The following CNEP1R1 variants were observed in gnomAD, a reference collection of about 807,000 sequenced individuals.
CNEP1R1 encodes the protein CTD nuclear envelope phosphatase 1 regulatory subunit 1, also known as nuclear envelope phosphatase-regulatory subunit 1.
A neutral mutation model predicts 22.7 loss-of-function variants in CNEP1R1; 10 were observed. That is an observed-to-expected ratio of 0.44 (90% confidence interval 0.27 to 0.75). CNEP1R1 has a LOEUF of 0.75. CNEP1R1 is among the 30% of genes least tolerant of loss of function. The pLI, the probability that CNEP1R1 is intolerant of heterozygous loss-of-function variation, is 0.17. For missense variants in CNEP1R1, 73 were observed against 151.5 expected (o/e 0.48, Z 2.72); for synonymous variants, 53 against 50.1 (o/e 1.06, Z -0.25).
At chr16:50,025,620 C>T (rs1251379599) in intron 1 of CNEP1R1, 1 of 1,600,350 alleles carries the variant, frequency 6.2e-7, no homozygotes, top group Non-Finnish European at 8.6e-7. Context: ...TGCATTGCAG[C>T]CTGCTAATTC....
chr16:50,030,101 A>T (rs2036218910), intron 3 of CNEP1R1, among the ~76,000 whole-genome samples: 1 of 151,992 alleles, frequency 6.6e-6, no homozygotes, highest in Non-Finnish European at 1.5e-5. Context: ...TTTTTACTTC[A>T]GTGTGAGTAT....
chr16:50,027,399 T>A (rs971866189), intron 2 of CNEP1R1, among the ~76,000 whole-genome samples: 3 of 151,558 alleles, frequency 2.0e-5, no homozygotes, highest in Non-Finnish European at 4.4e-5. Context: ...TCCCAGCTAC[T>A]CTGGAGGCTG....
intron 5 of CNEP1R1, chr16:50,034,589 C>G (rs1171545093): frequency 6.0e-6 from 1 of 167,914 alleles, no homozygotes; most frequent in Admixed American, 6.2e-5. Context: ...ACATATGAAC[C>G]TATTGTGTTT....
chr16:50,029,249 TC>T (rs1301464304), intron 2 of CNEP1R1, among the ~76,000 whole-genome samples: 1 of 152,206 alleles, frequency 6.6e-6, no homozygotes, highest in African/African-American at 2.4e-5. Context: ...GCTCCATACT[TC>T]CTGCACTGAC....
intron 2 of CNEP1R1, among the ~76,000 whole-genome samples, chr16:50,028,714 C>A (rs549484040): frequency 6.6e-6 from 1 of 152,164 alleles, no homozygotes; most frequent in South Asian, 2.1e-4. Flanking sequence ...GAGGTCCTTT[C>A]TAGTGTATTG....
At chr16:50,034,715 A>G (rs2036260891) in intron 5 of CNEP1R1, 1 of 155,212 alleles carries the variant, frequency 6.4e-6, no homozygotes, top group Non-Finnish European at 1.4e-5. Flanking sequence ...AGCCTGGGCA[A>G]CATTAGCAAG....
intron 4 of CNEP1R1, 70 bp downstream of exon 4, chr16:50,033,576 T>TA (rs1280388279): frequency 9.4e-6 from 8 of 853,670 alleles, no homozygotes; most frequent in Non-Finnish European, 1.1e-5. Flanking sequence ...GTTAAAAGCT[T>TA]ACTCTTGCCG....
Position 50,035,363 on chromosome 16 carries a change from G to A in CNEP1R1, c.337-54G>A. 4 of 965,618 alleles carry A rather than the reference G, an allele frequency of 4.1e-6. No homozygotes were observed. The South Asian group carries it at 5.6e-5, about 13-fold the overall frequency. 59.8% of individuals were successfully genotyped at this position (965,618 alleles called of 1,614,324 possible). A position where few individuals can be genotyped will look rare whatever the true frequency, so the allele number is the denominator to read the frequency against. On this transcript the variant is annotated intron_variant, in intron 5 of 5. Coordinates refer to ENST00000427478, the MANE Select transcript of CNEP1R1 (RefSeq NM_001281789.2). ...CCTTTAAGGTTTATAAATAAGCAGT[G>A]GTATTTTTACTAGAACTGTGTATTG...
chr16:50,033,250 A>G, intron 3 of CNEP1R1, 147 bp from the exon 4 acceptor site: 1 of 416,010 alleles, frequency 2.4e-6, no homozygotes, highest in Non-Finnish European at 4.2e-6. Flanking sequence ...ACGCAGCAAT[A>G]CAGAGAACTA....
chr16:50,029,665 T>C (rs1243737430), intron 2 of CNEP1R1, 60 bp from the exon 3 acceptor site: 1 of 973,132 alleles, frequency 1.0e-6, no homozygotes, highest in Non-Finnish European at 1.6e-6. Flanking sequence ...GAACTGGTGG[T>C]GATAGTATCA....
chr16:50,029,789 G>T lies in CNEP1R1; in HGVS notation c.162G>T (p.Glu54Asp). 6.3e-7 allele frequency: 1 copy of T among 1,594,992 alleles called. No homozygotes were observed. The highest frequency in any genetic ancestry group is 1.1e-5 in the South Asian group (1 of 90,436). Residue 54 changes from glutamate to aspartate, a missense_variant, in exon 3 of 6, where the codon GAG (glutamate) becomes GAT (aspartate). By Grantham distance (45) the Glu-to-Asp change is conservative. Coordinates refer to ENST00000427478, the MANE Select transcript of CNEP1R1 (RefSeq NM_001281789.2). ...TGAWNWLIDPETQKVSFFTSL... is the reference protein window; with the variant it reads ...TGAWNWLIDPDTQKVSFFTSL... ...CCTGGAACTGGTTAATAGACCCTGA[G>T]ACACAAAAGGTAGAAGTTTTGTTTT...
At chr16:50,029,580 C>A (rs2036214765) in intron 2 of CNEP1R1, 145 bp from the exon 3 acceptor site, 2 of 484,254 alleles carry the variant, frequency 4.1e-6, no homozygotes, top group South Asian at 2.9e-5. Flanking sequence ...AGATGGCAAG[C>A]CTTCTAATTC....
In CNEP1R1 at chr16:50,025,571, A is replaced by G. The variant is rs1389764056; in HGVS notation, c.25+231A>G. 9 of 1,411,014 alleles carry G rather than the reference A, an allele frequency of 6.4e-6. No individual in the cohort carries two copies. The African/African-American group carries it at 1.3e-4, about 20-fold the overall frequency. 87.4% of individuals were successfully genotyped at this position (1,411,014 alleles called of 1,614,324 possible). On this transcript the variant is annotated intron_variant, in intron 1 of 5. Transcript: ENST00000427478. ...AGGGTCGACCTCCTCGCCAGCTTCT[A>G]TTTTTATTTTCTTTTCACTGGCAGA... is the stretch of plus-strand genomic sequence containing the variant.
rs2036270207 is a variant in CNEP1R1, at chr16:50,035,711, T to G, written c.*253T>G. 6.8e-6 allele frequency: 3 copies of G among 438,044 alleles called. No individual in the cohort carries two copies. The highest frequency in any genetic ancestry group is 1.2e-5 in the Non-Finnish European group (3 of 246,002). 27.1% of individuals were successfully genotyped at this position (438,044 alleles called of 1,614,324 possible). A position where few individuals can be genotyped will look rare whatever the true frequency, so the allele number is the denominator to read the frequency against. Reference sequence around the variant, plus strand: ...CAGATCCTGCAAATATTTTTGCAGATGAAGTATGTATGTATGTTACTAAGT... The same window carrying G: ...CAGATCCTGCAAATATTTTTGCAGAGGAAGTATGTATGTATGTTACTAAGT... On this transcript the variant is annotated 3_prime_UTR_variant, in exon 6 of 6. Coordinates refer to ENST00000427478, the MANE Select transcript of CNEP1R1 (RefSeq NM_001281789.2).
chr16:50,027,285 G>A (rs1198300325), intron 2 of CNEP1R1, among the ~76,000 whole-genome samples: 1 of 151,958 alleles, frequency 6.6e-6, no homozygotes, highest in Non-Finnish European at 1.5e-5. Flanking sequence ...CGAGGCGGAC[G>A]GATCACGAGG....
intron 3 of CNEP1R1, among the ~76,000 whole-genome samples, chr16:50,032,750 A>T (rs567446792): frequency 1.3e-5 from 2 of 152,348 alleles, no homozygotes; most frequent in East Asian, 3.9e-4. Flanking sequence ...CACGCCTGTA[A>T]TCCCAGCACT....
At position 50,025,234 on chromosome 16, in the gene CNEP1R1, A is replaced by G. The variant is rs1012625251; in HGVS notation, c.-82A>G. ...GCAGCGGGGAGCGGTTAGAGGTGGG[A>G]GTTGGCGCTGCGGGCCGGGCGGGGG... On this transcript the variant is annotated 5_prime_UTR_variant, in exon 1 of 6. Transcript: ENST00000427478. The G allele has an allele frequency of 2.7e-5, 35 of 1,307,042 alleles. No homozygotes were observed. The highest frequency in any genetic ancestry group is 3.1e-5 in the African/African-American group (2 of 63,800). 81.0% of individuals were successfully genotyped at this position (1,307,042 alleles called of 1,614,324 possible).
chr16:50,032,558 T>C (rs919663446), intron 3 of CNEP1R1, among the ~76,000 whole-genome samples: 1 of 152,196 alleles, frequency 6.6e-6, no homozygotes, highest in Admixed American at 6.5e-5. Flanking sequence ...ATGCTGGAAT[T>C]GAGTGTTATG....
At position 50,025,348 on chromosome 16, in the gene CNEP1R1, G is replaced by C; in HGVS notation, c.25+8G>C. ...CGCTGGAGCAGGCGGAAGGTAGGGT[G>C]GGCCGCCCGGGCCCGTCCCCCGTCT... is the stretch of plus-strand genomic sequence containing the variant. On this transcript the variant is annotated splice_region_variant and intron_variant, in intron 1 of 5. Coordinates refer to ENST00000427478, the MANE Select transcript of CNEP1R1 (RefSeq NM_001281789.2). 7.0e-7 allele frequency: 1 copy of C among 1,432,814 alleles called. No individual in the cohort carries two copies. The highest frequency in any genetic ancestry group is 2.7e-5 in the East Asian group (1 of 37,566). 88.8% of individuals were successfully genotyped at this position (1,432,814 alleles called of 1,614,324 possible).
Sources: allele counts gnomAD v4.1 joint callset (sites outside exome capture counted in the v4.1 genomes callset), GRCh38; gene constraint gnomAD v4.1.1; transcripts MANE v1.5; gene names NCBI Gene and HGNC (gene_info 2026-07-23, HGNC 2026-07-21).